The following PRR5 variants were observed in gnomAD, a reference collection of about 807,000 sequenced individuals.
PRR5 encodes the protein proline rich 5.
Under a neutral mutation model 30.6 loss-of-function variants are expected in PRR5, and 25 were observed. That is an observed-to-expected ratio of 0.82 (90% CI 0.60 to 1.14). PRR5 has a LOEUF of 1.14. PRR5 is among the 50% of genes most tolerant of loss of function. The pLI, the probability that PRR5 is intolerant of heterozygous loss-of-function variation, is 0.00. For synonymous variants in PRR5, 286 were observed against 247.1 expected (o/e 1.16, Z -1.48); for missense variants, 600 against 547.1 (o/e 1.10, Z -0.96).
upstream of PRR5, among the ~76,000 whole-genome samples, chr22:44,674,851 C>T (rs1396298213): frequency 2.6e-5 from 4 of 151,902 alleles, no homozygotes; most frequent in South Asian, 2.1e-4. Flanking sequence ...GAGGGTGAGG[C>T]AGGAGAATTG....
Position 44,732,312 on chromosome 22 carries a change from G to T in PRR5, c.476G>T (p.Ser159Ile). 5 of 1,612,418 alleles carry T rather than the reference G, an allele frequency of 3.1e-6. No individual in the cohort carries two copies. The highest frequency in any genetic ancestry group is 3.4e-6 in the Non-Finnish European group (4 of 1,179,970). Residue 159 changes from serine to isoleucine, a missense_variant, in exon 6 of 8, where the codon AGT (serine) becomes ATT (isoleucine). Transcript: ENST00000336985. ...CACTTCCGGAATGCCATCACCCTCA[G>T]TGTGAAGCTAGAGGATGCGCTGGCC... Reference protein sequence around the residue: ...LLHFRNAITLSVKLEDALARA... With the variant: ...LLHFRNAITLIVKLEDALARA...
chr22:44,671,410 T>G (rs546422002), intron 1 of PRR5, among the ~76,000 whole-genome samples: 74 of 152,122 alleles, frequency 4.9e-4, no homozygotes, highest in Admixed American at 6.6e-4. Context: ...GGGGAGCACG[T>G]GGTGGCACGG....
intron 1 of PRR5, among the ~76,000 whole-genome samples, chr22:44,670,525 T>C (rs931886995): frequency 2.2e-4 from 34 of 152,180 alleles, no homozygotes; most frequent in African/African-American, 8.2e-4. Flanking sequence ...TCCAAAGAAG[T>C]GTGGTACCCC....
chr22:44,712,472 C>T (rs1928401909), intron 1 of PRR5, among the ~76,000 whole-genome samples: 1 of 152,170 alleles, frequency 6.6e-6, no homozygotes, highest in Non-Finnish European at 1.5e-5. Flanking sequence ...GACGGGAAGC[C>T]CTGGCCAGTC....
At chr22:44,726,694 A>G in intron 4 of PRR5, 60 bp downstream of exon 4, 1 of 1,612,490 alleles carries the variant, frequency 6.2e-7, no homozygotes, top group Non-Finnish European at 8.5e-7. Flanking sequence ...TGGCTGCTGG[A>G]CTGCTGGGCC....
chr22:44,731,374 G>A, intron 4 of PRR5: 1 of 374,652 alleles, frequency 2.7e-6, no homozygotes, highest in Admixed American at 3.8e-5. Context: ...ATACCTGTGT[G>A]GCTCTCACTT....
intron 5 of PRR5, among the ~76,000 whole-genome samples, 184 bp downstream of exon 5, chr22:44,732,005 G>A (rs1033710960): frequency 3.9e-5 from 6 of 152,202 alleles, no homozygotes; most frequent in Non-Finnish European, 7.4e-5. Context: ...AGATATGGAC[G>A]CCTCCCTCCC....
At chr22:44,670,496 A>C (rs1923359799) in intron 1 of PRR5, among the ~76,000 whole-genome samples, 1 of 152,120 alleles carries the variant, frequency 6.6e-6, no homozygotes, top group Admixed American at 6.5e-5. Context: ...TCATCCACCC[A>C]CAGGGGCAGT....
At chr22:44,718,128 G>A (rs1929373390) in intron 2 of PRR5, among the ~76,000 whole-genome samples, 1 of 151,288 alleles carries the variant, frequency 6.6e-6, no homozygotes, top group African/African-American at 2.4e-5. Context: ...TTTTGGCTGT[G>A]ATGAATAACG....
intron 1 of PRR5, among the ~76,000 whole-genome samples, chr22:44,687,526 G>A (rs1316407352): frequency 6.6e-6 from 1 of 152,154 alleles, no homozygotes; most frequent in African/African-American, 2.4e-5. Flanking sequence ...TCAAGCTCAG[G>A]AGGAGTCAGA....
chr22:44,713,009 C>T (rs986512425), intron 1 of PRR5, among the ~76,000 whole-genome samples: 1 of 152,182 alleles, frequency 6.6e-6, no homozygotes, highest in Non-Finnish European at 1.5e-5. Context: ...TGAGAAGGGC[C>T]TTCCAGACAG....
At chr22:44,717,197 T>TG (rs1326002468) in intron 2 of PRR5, among the ~76,000 whole-genome samples, 1 of 148,772 alleles carries the variant, frequency 6.7e-6, no homozygotes, top group Non-Finnish European at 1.5e-5. Flanking sequence ...CCCTTTTTTT[T>TG]TTTTTTTTTT....
chr22:44,719,749 G>T (rs1230573987), intron 2 of PRR5, among the ~76,000 whole-genome samples: 1 of 152,178 alleles, frequency 6.6e-6, no homozygotes. Context: ...TTCATGGACA[G>T]GAGCTGGGGC....
At position 44,726,583 on chromosome 22, in the gene PRR5, C is replaced by T. The variant is rs925623645; in HGVS notation, c.271C>T (p.Leu91=). Residue 91 remains leucine, a synonymous_variant, in exon 4 of 8, where the codon CTG becomes TTG. Coordinates refer to ENST00000336985, the MANE Select transcript of PRR5 (RefSeq NM_181333.4). ...CCTCTGTGTTTACCTTCAGAACCAG[C>T]TGCTGACAAAAGGCATGGTGATCCT... ...SFFTEYLQNQ[L]LTKGMVILRD... is the part of the protein sequence containing the mutation. 6.2e-7 allele frequency: 1 copy of T among 1,614,122 alleles called. No homozygotes were observed.
intron 1 of PRR5, among the ~76,000 whole-genome samples, chr22:44,709,468 G>A (rs1373894555): frequency 6.6e-6 from 1 of 152,116 alleles, no homozygotes; most frequent in East Asian, 1.9e-4. Flanking sequence ...TCTGGGAGCT[G>A]GAAAAGGCGG....
intron 6 of PRR5, chr22:44,734,311 C>A: frequency 6.6e-6 from 1 of 152,414 alleles, no homozygotes; most frequent in Non-Finnish European, 1.5e-5. Flanking sequence ...GTCCCTGAAC[C>A]CCCTGACAGC....
In PRR5 at chr22:44,691,507, TGCAGTTTGGGAGGCCGA is replaced by T. The variant is rs1425386858; in HGVS notation, c.-10-10966_-10-10950del. The stretch of plus-strand genomic sequence containing the variant: ...AGAGTTGGGGCCCCTCCAGCGCCCC[TGCAGTTTGGGAGGCCGA>T]GCAGTTTGGGAGGCCGAGGCGGGTA... On this transcript the variant is annotated intron_variant, in intron 1 of 8. Coordinates refer to the PRR5 transcript ENST00000006251. This position sits in a 1 kb window ranked among gnomAD's most constrained non-coding sequence, Gnocchi z 4.4. Among the ~76,000 whole-genome samples, 6 of 152,182 alleles carry T rather than the reference TGCAGTTTGGGAGGCCGA, an allele frequency of 3.9e-5. No individual in the cohort carries two copies. Among genetic ancestry groups the T allele is most frequent in the Non-Finnish European group, 5.9e-5 (4 of 67,960 alleles).
chr22:44,736,082 C>A (rs565972902), intron 7 of PRR5, among the ~76,000 whole-genome samples: 2 of 152,230 alleles, frequency 1.3e-5, no homozygotes, highest in South Asian at 2.1e-4. Flanking sequence ...ACCCTGCCCC[C>A]CAACCAGCCT....
At position 44,737,163 on chromosome 22, in the gene PRR5, A is replaced by G; in HGVS notation, c.1083A>G (p.Glu361=). 6.2e-7 allele frequency: 1 copy of G among 1,612,750 alleles called. No homozygotes were observed. Among genetic ancestry groups the G allele is most frequent in the Non-Finnish European group, 8.5e-7 (1 of 1,179,990 alleles). Reference sequence around the variant, plus strand: ...TGGAGTCCGTGGACTCGGATTCTGAAGGGATTTTCATTGACTTTGGCCGGG... The same window carrying G: ...TGGAGTCCGTGGACTCGGATTCTGAGGGGATTTTCATTGACTTTGGCCGGG... The part of the protein sequence containing the change: ...QILESVDSDS[E]GIFIDFGRGR... Residue 361 remains glutamate, a synonymous_variant, in exon 8 of 8, where the codon GAA becomes GAG. Coordinates refer to ENST00000336985, the MANE Select transcript of PRR5 (RefSeq NM_181333.4).
Sources: gnomAD v4.1 joint callset for allele counts (sites outside exome capture counted in the v4.1 genomes callset) on GRCh38, gnomAD v4.1.1 for gene constraint, Gnocchi (gnomAD v3.1) non-coding constraint, MANE v1.5 for transcripts, NCBI Gene and HGNC (gene_info 2026-07-23, HGNC 2026-07-21) for gene names.